The following MAGI1 variants were observed in gnomAD, a reference collection of about 807,000 sequenced individuals.
MAGI1 encodes the protein membrane associated guanylate kinase, WW and PDZ domain containing 1.
Under a neutral mutation model 139.9 loss-of-function variants are expected in MAGI1, and 58 were observed. The observed-to-expected ratio is 0.41, with a 90% CI of 0.34 to 0.52. The LOEUF (loss-of-function observed/expected upper bound fraction) is 0.52. Among genes scored for constraint, MAGI1 ranks in the 20% least tolerant of loss-of-function variants. MAGI1 has a pLI of 0.12. For missense variants in MAGI1, 1,874 were observed against 1,901.6 expected, an observed-to-expected ratio of 0.99 and a Z score of 0.27; for synonymous variants, 812 against 737.9, an observed-to-expected ratio of 1.10 and a Z score of -1.63.
At position 65,430,810 on chromosome 3, in the gene MAGI1, T is replaced by C; in HGVS notation, c.1435A>G (p.Ser479Gly). Residue 479 changes from serine (S) to glycine (G), a missense_variant, in exon 11 of 23, where the codon AGT (serine) becomes GGT (glycine). This residue lies in a region of MAGI1 where 648 missense variants were observed against 598.1 expected (regional missense o/e 1.08). Coordinates refer to ENST00000402939, the MANE Select transcript of MAGI1 (RefSeq NM_001033057.2). ...KFIHTKLRKS[S>G]RGFGFTVVGG... is the part of the protein sequence containing the mutation. ...ACCACCGTGAAGCCAAAGCCACGAC[T>C]GCTTTTCCGCAGCTTTGTGTGAATG... 1.2e-6 allele frequency: 2 copies of C among 1,613,560 alleles called. No homozygotes were observed. Among genetic ancestry groups the C allele is most frequent in the Non-Finnish European group, 1.7e-6 (2 of 1,179,750 alleles).
chr3:65,401,733 T>G (rs1944913321), intron 12 of MAGI1: 1 of 1,479,514 alleles, frequency 6.8e-7, no homozygotes, highest in African/African-American at 1.4e-5. Flanking sequence ...GGAAAAGAAA[T>G]TCACAGACCT....
At chr3:65,378,826 C>T (rs1328674593) in intron 17 of MAGI1, among the ~76,000 whole-genome samples, 1 of 152,080 alleles carries the variant, frequency 6.6e-6, no homozygotes, top group African/African-American at 2.4e-5. Flanking sequence ...GGATTACAGG[C>T]ATGCACTACC....
chr3:65,986,471 G>T (rs768232217), intron 1 of MAGI1, among the ~76,000 whole-genome samples: 17 of 152,216 alleles, frequency 1.1e-4, no homozygotes, highest in Non-Finnish European at 2.1e-4. Context: ...ATAAAGGGCA[G>T]GAGCAGGACA....
intron 1 of MAGI1, among the ~76,000 whole-genome samples, chr3:65,673,164 G>C (rs2086971453): frequency 6.6e-6 from 1 of 152,038 alleles, no homozygotes; most frequent in Admixed American, 6.6e-5. Context: ...TTACATGAGG[G>C]ACAGCATCCG....
At chr3:65,535,333 G>T (rs890045200) in intron 2 of MAGI1, among the ~76,000 whole-genome samples, 2 of 152,128 alleles carry the variant, frequency 1.3e-5, no homozygotes, top group African/African-American at 2.4e-5. Context: ...CACTCTCCTT[G>T]TCTCTAAAAG....
intron 1 of MAGI1, among the ~76,000 whole-genome samples, chr3:65,951,557 C>T (rs930839209): frequency 2.0e-5 from 3 of 152,102 alleles, no homozygotes; most frequent in African/African-American, 7.2e-5. Flanking sequence ...TTATTGACTA[C>T]CTGTTGAAAT....
chr3:65,848,076 G>C (rs892031735), intron 1 of MAGI1, among the ~76,000 whole-genome samples: 3 of 152,270 alleles, frequency 2.0e-5, no homozygotes, highest in African/African-American at 7.2e-5. Context: ...GACAACCAGA[G>C]AATAAGAGTT....
chr3:65,778,580 A>T (rs148773842), intron 1 of MAGI1, among the ~76,000 whole-genome samples: 258 of 152,248 alleles, frequency 1.7e-3, no homozygotes, highest in African/African-American at 6.1e-3. Context: ...CACCCAGAAG[A>T]TGGGGACCAT....
intron 15 of MAGI1, among the ~76,000 whole-genome samples, chr3:65,383,225 A>T (rs180972859): frequency 1.2e-3 from 190 of 152,290 alleles, no homozygotes; most frequent in Non-Finnish European, 2.1e-3. Flanking sequence ...GGCCACTGTG[A>T]TATTAGGTGA....
At chr3:65,667,158 T>C (rs1265506906) in intron 1 of MAGI1, among the ~76,000 whole-genome samples, 1 of 152,184 alleles carries the variant, frequency 6.6e-6, no homozygotes, top group African/African-American at 2.4e-5. Context: ...TTATCTAAAT[T>C]ATTTGATGCC....
At chr3:65,713,241 A>G (rs552641321) in intron 1 of MAGI1, among the ~76,000 whole-genome samples, 1 of 152,118 alleles carries the variant, frequency 6.6e-6, no homozygotes, top group Non-Finnish European at 1.5e-5. Context: ...TCTCCCTGCC[A>G]TACCAGCCTT....
chr3:65,538,155 A>C (rs2079045497), intron 2 of MAGI1, among the ~76,000 whole-genome samples: 1 of 152,168 alleles, frequency 6.6e-6, no homozygotes, highest in Non-Finnish European at 1.5e-5. Context: ...AAAGACATAA[A>C]TAAAATAAAT....
At chr3:65,935,247 A>T (rs1268116555) in intron 1 of MAGI1, among the ~76,000 whole-genome samples, 1 of 152,222 alleles carries the variant, frequency 6.6e-6, no homozygotes, top group Non-Finnish European at 1.5e-5. Context: ...GAACAAGGTG[A>T]GTTTAAAGAA....
chr3:65,569,796 G>T (rs2080860127), intron 2 of MAGI1, among the ~76,000 whole-genome samples: 1 of 151,750 alleles, frequency 6.6e-6, no homozygotes, highest in Admixed American at 6.6e-5. Context: ...GATCTCTTGA[G>T]CCTGGGACAT....
intron 2 of MAGI1, among the ~76,000 whole-genome samples, chr3:65,539,768 T>C (rs1330905859): frequency 6.6e-6 from 1 of 152,318 alleles, no homozygotes; most frequent in East Asian, 1.9e-4. Flanking sequence ...CAGTCTGTCG[T>C]CAATATAAAT....
intron 1 of MAGI1, among the ~76,000 whole-genome samples, chr3:65,921,075 T>C (rs376954184): frequency 3.9e-5 from 6 of 151,936 alleles, no homozygotes; most frequent in Admixed American, 3.9e-4. Flanking sequence ...TTAGTTACAA[T>C]TGACGCTACT....
At chr3:65,650,122 C>G (rs767867305) in intron 1 of MAGI1, among the ~76,000 whole-genome samples, 2 of 152,162 alleles carry the variant, frequency 1.3e-5, no homozygotes, top group Non-Finnish European at 2.9e-5. Flanking sequence ...GCTGGTTCCT[C>G]ATAAAAGGAT....
At chr3:65,679,950 T>C (rs1488015426) in intron 1 of MAGI1, among the ~76,000 whole-genome samples, 1 of 152,220 alleles carries the variant, frequency 6.6e-6, no homozygotes, top group Non-Finnish European at 1.5e-5. Flanking sequence ...GACCAGGATA[T>C]GGCCAAATAA....
chr3:65,359,278 T>C (rs1294261596), intron 22 of MAGI1: 81 of 1,506,226 alleles, frequency 5.4e-5, no homozygotes, highest in Non-Finnish European at 7.0e-5. Flanking sequence ...TTTGTTAACA[T>C]AGGGCAAAGA....
Sources: allele counts gnomAD v4.1 joint callset (sites outside exome capture counted in the v4.1 genomes callset), GRCh38; gene constraint gnomAD v4.1.1; regional missense constraint gnomAD v4.1.1; transcripts MANE v1.5; gene names NCBI Gene and HGNC (gene_info 2026-07-23, HGNC 2026-07-21).